Variants in KCND3 observed in about 807,000 individuals in gnomAD.
The protein encoded by KCND3 is potassium voltage-gated channel subfamily D member 3, also known as A-type voltage-gated potassium channel KCND3.
A neutral mutation model predicts 51.1 loss-of-function variants in KCND3; 9 were observed. The ratio of observed to expected loss-of-function variants is 0.18; its 90% CI spans 0.11 to 0.31. The LOEUF (loss-of-function observed/expected upper bound fraction) is 0.31. Ranked by LOEUF, KCND3 falls within the 10% of genes least tolerant of loss-of-function variation. The pLI, the probability that KCND3 is intolerant of heterozygous loss-of-function variation, is 1.00. For synonymous variants in KCND3, 349 were observed against 368.0 expected, an observed-to-expected ratio of 0.95 and a Z score of 0.59; for missense variants, 526 against 903.8, an observed-to-expected ratio of 0.58 and a Z score of 5.36.
chr1:111,964,392 C>T (rs922104120), intron 2 of KCND3, among the ~76,000 whole-genome samples: 2 of 152,180 alleles, frequency 1.3e-5, no homozygotes, highest in Admixed American at 1.3e-4. Flanking sequence ...GAAGGAGTTA[C>T]AGGCATGCAG....
chr1:111,968,855 T>C (rs1674166504), intron 2 of KCND3, among the ~76,000 whole-genome samples: 2 of 152,160 alleles, frequency 1.3e-5, no homozygotes, highest in Non-Finnish European at 2.9e-5. Flanking sequence ...CCAAAGCCAC[T>C]GTGGAGTGGG....
intron 2 of KCND3, among the ~76,000 whole-genome samples, chr1:111,941,055 C>A (rs555098180): frequency 9.2e-5 from 14 of 152,128 alleles, no homozygotes; most frequent in African/African-American, 3.4e-4. Context: ...AGGAAAGCAG[C>A]GGGGCAGGAG....
chr1:111,840,228 A>G (rs541914838), intron 2 of KCND3, among the ~76,000 whole-genome samples: 2 of 152,238 alleles, frequency 1.3e-5, no homozygotes, highest in African/African-American at 4.8e-5. Flanking sequence ...ATAGCATTGG[A>G]AATTCGGTTC....
intron 2 of KCND3, among the ~76,000 whole-genome samples, chr1:111,935,457 A>AT (rs1354085243): frequency 6.6e-6 from 1 of 151,950 alleles, no homozygotes; most frequent in East Asian, 1.9e-4. Context: ...AATCCTTTTA[A>AT]TTTCCTTATT....
chr1:111,863,955 T>C (rs1011252480), intron 2 of KCND3, among the ~76,000 whole-genome samples: 1 of 151,824 alleles, frequency 6.6e-6, no homozygotes, highest in East Asian at 1.9e-4. Flanking sequence ...TTGATGATGA[T>C]TGAAATGAGG....
intron 2 of KCND3, among the ~76,000 whole-genome samples, chr1:111,957,336 G>A (rs754914040): frequency 1.3e-5 from 2 of 152,196 alleles, no homozygotes; most frequent in East Asian, 1.9e-4. Context: ...GGCCCCACCC[G>A]AGGAACGTGA....
At chr1:111,888,825 G>T (rs933937302) in intron 2 of KCND3, among the ~76,000 whole-genome samples, 4 of 152,058 alleles carry the variant, frequency 2.6e-5, no homozygotes, top group Non-Finnish European at 4.4e-5. Flanking sequence ...AGAGAGGCAA[G>T]CATGCATTAA....
At chr1:111,814,813 C>T (rs1666012390) in intron 2 of KCND3, among the ~76,000 whole-genome samples, 1 of 152,254 alleles carries the variant, frequency 6.6e-6, no homozygotes, top group South Asian at 2.1e-4. Flanking sequence ...ATCCCGACGG[C>T]TATCTCCACA....
intron 2 of KCND3, among the ~76,000 whole-genome samples, chr1:111,956,573 A>G (rs994703431): frequency 1.3e-5 from 2 of 152,106 alleles, no homozygotes; most frequent in African/African-American, 4.8e-5. Flanking sequence ...CTCGAGTCCC[A>G]CTTTTCTTTT....
At chr1:111,899,728 G>C (rs1380851685) in intron 2 of KCND3, among the ~76,000 whole-genome samples, 1 of 152,152 alleles carries the variant, frequency 6.6e-6, no homozygotes, top group Non-Finnish European at 1.5e-5. Context: ...GTCAGCATAG[G>C]GCAGTTGCAA....
chr1:111,809,909 C>G (rs966251015), intron 2 of KCND3, among the ~76,000 whole-genome samples: 2 of 152,280 alleles, frequency 1.3e-5, no homozygotes, highest in Middle Eastern at 3.4e-3. Context: ...GCTCTAGAAG[C>G]CTCTTCATTC....
chr1:111,868,504 C>T (rs1012332441), intron 2 of KCND3, among the ~76,000 whole-genome samples: 4 of 152,108 alleles, frequency 2.6e-5, no homozygotes, highest in Admixed American at 2.0e-4. Flanking sequence ...CAGTACTACC[C>T]GTGGTCTCAG....
chr1:111,963,448 G>C (rs774964022), intron 2 of KCND3, among the ~76,000 whole-genome samples: 2 of 152,224 alleles, frequency 1.3e-5, no homozygotes, highest in Non-Finnish European at 2.9e-5. Flanking sequence ...TAATCTCTCT[G>C]TTCCTCAGTT....
chr1:111,792,672 A>C (rs1053563440), intron 2 of KCND3, among the ~76,000 whole-genome samples: 1 of 152,192 alleles, frequency 6.6e-6, no homozygotes, highest in East Asian at 1.9e-4. Context: ...GTTTCCTGGC[A>C]TTGATCAATT....
Position 111,871,476 on chromosome 1 carries a change from C to T in KCND3, c.1107-84370G>A, listed in dbSNP as rs545043471. Among the ~76,000 whole-genome samples, 7 of 152,042 alleles carry T rather than the reference C, an allele frequency of 4.6e-5. No individual in the cohort carries two copies. The East Asian group carries it at 5.8e-4, about 13-fold the overall frequency. On this transcript the variant is annotated intron_variant, in intron 2 of 7. Coordinates refer to ENST00000302127, the MANE Select transcript of KCND3 (RefSeq NM_001378969.1). ...TCAGCTTGTGTGACAGGAAGGACAACGGTGTCACTAAGAGAAATAGGGAGC... is the reference window on the plus strand; with the variant it reads ...TCAGCTTGTGTGACAGGAAGGACAATGGTGTCACTAAGAGAAATAGGGAGC...
At chr1:111,939,604 T>A (rs1199038925) in intron 2 of KCND3, among the ~76,000 whole-genome samples, 1 of 152,216 alleles carries the variant, frequency 6.6e-6, no homozygotes, top group Non-Finnish European at 1.5e-5. Flanking sequence ...ATGTGCCACA[T>A]TTTCTTTATC....
intron 2 of KCND3, among the ~76,000 whole-genome samples, chr1:111,832,017 G>T (rs1006020265): frequency 1.3e-5 from 2 of 152,154 alleles, no homozygotes; most frequent in East Asian, 3.8e-4. Flanking sequence ...ATCCTCAATG[G>T]GGGGAATATA....
At chr1:111,887,056 G>A (rs183915160) in intron 2 of KCND3, among the ~76,000 whole-genome samples, 1 of 152,326 alleles carries the variant, frequency 6.6e-6, no homozygotes, top group East Asian at 1.9e-4. Context: ...CATACGGAGA[G>A]AGAGAGGCAA....
At chr1:111,815,979 A>C (rs1237755138) in intron 2 of KCND3, among the ~76,000 whole-genome samples, 1 of 152,110 alleles carries the variant, frequency 6.6e-6, no homozygotes, top group East Asian at 1.9e-4. Flanking sequence ...AAATAAGGGG[A>C]AAAGGGAGGC....
Sources: gnomAD v4.1 joint callset for allele counts (sites outside exome capture counted in the v4.1 genomes callset) on GRCh38, gnomAD v4.1.1 for gene constraint, MANE v1.5 for transcripts, NCBI Gene and HGNC (gene_info 2026-07-23, HGNC 2026-07-21) for gene names.